The following CDC25C variants were observed in gnomAD, a reference collection of about 807,000 sequenced individuals.
The protein encoded by CDC25C is cell division cycle 25C.
A neutral mutation model predicts 52.5 loss-of-function variants in CDC25C; 48 were observed. That is an observed-to-expected ratio of 0.91 (90% confidence interval 0.72 to 1.16). The LOEUF (loss-of-function observed/expected upper bound fraction) is 1.16. Among genes scored for constraint, CDC25C ranks in the 50% most tolerant of loss-of-function variants. The probability of loss-of-function intolerance (pLI) is 0.00; values close to 1 mark genes in which losing one functional copy is unlikely to be tolerated. For missense variants in CDC25C, 510 were observed against 566.1 expected (o/e 0.90, Z 1.01); for synonymous variants, 187 against 206.5 (o/e 0.91, Z 0.81).
intron 7 of CDC25C, among the ~76,000 whole-genome samples, chr5:138,314,600 G>A (rs1238573562): frequency 7.2e-6 from 1 of 139,130 alleles, no homozygotes; most frequent in Non-Finnish European, 1.5e-5. Flanking sequence ...CCAGCCTATA[G>A]CACTTTTTTT....
At chr5:138,328,563 T>C in intron 3 of CDC25C, 34 bp from the exon 4 acceptor site, 1 of 1,577,826 alleles carries the variant, frequency 6.3e-7, no homozygotes, top group Non-Finnish European at 8.7e-7. Flanking sequence ...GTAAAAGGAG[T>C]TATTCTTGTC....
chr5:138,318,376 T>C (rs952806758), intron 7 of CDC25C, among the ~76,000 whole-genome samples: 2 of 152,044 alleles, frequency 1.3e-5, no homozygotes, highest in African/African-American at 4.8e-5. Context: ...CTCTAGCATT[T>C]AGTAGAGTGA....
In CDC25C at chr5:138,296,229, T is replaced by G. The variant is rs529131753; in HGVS notation, c.616-4113A>C. On this transcript the variant is annotated intron_variant, in intron 7 of 13. Transcript: ENST00000323760. ...GGCACCTCCTACTCTTTTAGTTATT[T>G]TTATTTATTTATTTATTTATTTTTG... Among the ~76,000 whole-genome samples the G allele has an allele frequency of 3.9e-5, 6 of 152,092 alleles. No homozygotes were observed. The East Asian group carries it at 1.2e-3, about 29-fold the overall frequency.
chr5:138,296,391 A>G (rs952617522), intron 7 of CDC25C, among the ~76,000 whole-genome samples: 1 of 150,732 alleles, frequency 6.6e-6, no homozygotes, highest in Non-Finnish European at 1.5e-5. Flanking sequence ...GTGCACCACC[A>G]CCCCTGGCTA....
chr5:138,336,711 T>C (rs996344696), upstream of CDC25C: 2 of 151,684 alleles, frequency 1.3e-5, no homozygotes, highest in African/African-American at 4.8e-5. Flanking sequence ...TGTAGCATGG[T>C]GTCTGGTACA....
At chr5:138,306,739 G>GTGC (rs1758032186) in intron 7 of CDC25C, among the ~76,000 whole-genome samples, 1 of 150,778 alleles carries the variant, frequency 6.6e-6, no homozygotes, top group African/African-American at 2.4e-5. Flanking sequence ...GCCTCCCAAA[G>GTGC]TGCTGGGATT....
intron 2 of CDC25C, 74 bp from the exon 3 acceptor site, chr5:138,329,721 C>A: frequency 1.5e-6 from 1 of 660,764 alleles, no homozygotes. Context: ...TCATGTCATC[C>A]TCTTCTTTTT....
chr5:138,326,109 T>A (rs1242078280), intron 4 of CDC25C, 55 bp from the exon 5 acceptor site: 6 of 1,577,182 alleles, frequency 3.8e-6, no homozygotes, highest in Non-Finnish European at 4.4e-6. Context: ...GTTTGATTAT[T>A]CTTCAGTGGA....
intron 6 of CDC25C, 99 bp from the exon 7 acceptor site, chr5:138,319,473 G>GA (rs1246962975): frequency 3.2e-6 from 3 of 924,604 alleles, no homozygotes; most frequent in East Asian, 2.9e-5. Context: ...AAAGATAAGG[G>GA]AAAAAATTCA....
chr5:138,307,781 A>G (rs1758133959), intron 7 of CDC25C, among the ~76,000 whole-genome samples: 1 of 152,040 alleles, frequency 6.6e-6, no homozygotes, highest in African/African-American at 2.4e-5. Context: ...TCAAATAAAT[A>G]CTCATAGCCC....
chr5:138,298,298 G>A (rs1757364780), intron 7 of CDC25C, among the ~76,000 whole-genome samples: 1 of 151,700 alleles, frequency 6.6e-6, no homozygotes, highest in South Asian at 2.1e-4. Context: ...ACCACACCCA[G>A]TGATACCATT....
At chr5:138,296,605 A>ATT (rs1246478189) in intron 7 of CDC25C, among the ~76,000 whole-genome samples, 6 of 133,810 alleles carry the variant, frequency 4.5e-5, no homozygotes, top group Non-Finnish European at 1.0e-4. Flanking sequence ...ATTATTATTA[A>ATT]TTATTTTTTT....
intron 7 of CDC25C, among the ~76,000 whole-genome samples, chr5:138,304,214 G>T (rs944611557): frequency 6.6e-6 from 1 of 151,844 alleles, no homozygotes; most frequent in Non-Finnish European, 1.5e-5. Context: ...TGTTGCCCAG[G>T]CTGGAGAGCA....
intron 8 of CDC25C, 81 bp downstream of exon 8, chr5:138,291,889 A>G (rs1408661883): frequency 1.4e-5 from 16 of 1,154,012 alleles, no homozygotes; most frequent in Non-Finnish European, 1.7e-5. Context: ...CAAAAAAGGC[A>G]TAATAAAACA....
intron 7 of CDC25C, among the ~76,000 whole-genome samples, chr5:138,310,813 C>T (rs561465543): frequency 1.4e-4 from 21 of 152,312 alleles, no homozygotes; most frequent in Non-Finnish European, 2.8e-4. Flanking sequence ...GAGCCCTTTC[C>T]TTCAATAGGG....
At chr5:138,308,768 C>T (rs371829747) in intron 7 of CDC25C, among the ~76,000 whole-genome samples, 31 of 152,116 alleles carry the variant, frequency 2.0e-4, no homozygotes, top group East Asian at 5.8e-4. Context: ...TAGAACATAA[C>T]GCTCAAAATT....
chr5:138,286,766 CTAAGTA>C, intron 11 of CDC25C, 136 bp from the exon 12 acceptor site: 1 of 709,444 alleles, frequency 1.4e-6, no homozygotes, highest in Non-Finnish European at 2.3e-6. Flanking sequence ...GGGCAGGGGT[CTAAGTA>C]TATCTCTGTA....
intron 1 of CDC25C, chr5:138,337,951 T>C (rs1340205213): frequency 7.8e-7 from 1 of 1,289,046 alleles, no homozygotes; most frequent in Admixed American, 2.3e-5. Context: ...GATGCCTTTG[T>C]TTACCTTCTT....
intron 7 of CDC25C, among the ~76,000 whole-genome samples, chr5:138,317,553 T>C (rs930546705): frequency 9.9e-5 from 15 of 151,284 alleles, no homozygotes; most frequent in Admixed American, 9.2e-4. Flanking sequence ...TGATGGCATG[T>C]GCCTATAGTC....
Sources: allele counts gnomAD v4.1 joint callset (sites outside exome capture counted in the v4.1 genomes callset), GRCh38; gene constraint gnomAD v4.1.1; transcripts MANE v1.5; gene names NCBI Gene and HGNC (gene_info 2026-07-23, HGNC 2026-07-21).